SULT2A1: variants seen among roughly 807,000 people sequenced by gnomAD.
The protein encoded by SULT2A1 is sulfotransferase 2A1.
A neutral mutation model predicts 33.9 loss-of-function variants in SULT2A1; 43 were observed. The ratio of observed to expected loss-of-function variants is 1.27; its 90% CI spans 1.00 to 1.64. The LOEUF is 1.64. Among genes scored for constraint, SULT2A1 ranks in the 40% most tolerant of loss-of-function variants. The pLI, the probability that SULT2A1 is intolerant of heterozygous loss-of-function variation, is 0.00. For missense variants in SULT2A1, 300 were observed against 335.1 expected, an observed-to-expected ratio of 0.90 and a Z score of 0.82; for synonymous variants, 125 against 113.6, an observed-to-expected ratio of 1.10 and a Z score of -0.64.
At chr19:47,886,050 A>T in intron 1 of SULT2A1, 72 bp downstream of exon 1, 30 of 1,547,906 alleles carry the variant, frequency 1.9e-5, no homozygotes, top group Non-Finnish European at 2.6e-5. Flanking sequence ...ATAAAGGAAG[A>T]ACTCCAATCA....
rs753978526 is a variant in SULT2A1 at position 47,874,664 on chromosome 19, C to A, written c.738G>T (p.Leu246=). 6.2e-7 allele frequency: 1 copy of A among 1,609,508 alleles called. No individual in the cohort carries two copies. Among genetic ancestry groups the A allele is most frequent in the African/African-American group, 1.3e-5 (1 of 74,588 alleles). Residue 246 remains leucine (L), a synonymous_variant, in exon 5 of 6, where the codon CTG becomes CTT. Coordinates refer to ENST00000222002, the MANE Select transcript of SULT2A1 (RefSeq NM_003167.4). ...VDYVVDKAQL[L]RKGVSGDWKN... is the part of the protein sequence containing the mutation. ...CAGAGGATTTTCTTTTACCTTTTCTCAGAAGTTGTGCTTTGTCCACTACAT... is the reference window on the plus strand; with the variant it reads ...CAGAGGATTTTCTTTTACCTTTTCTAAGAAGTTGTGCTTTGTCCACTACAT...
At chr19:47,873,779 A>G (rs1278906396) in intron 5 of SULT2A1, among the ~76,000 whole-genome samples, 2 of 151,552 alleles carry the variant, frequency 1.3e-5, no homozygotes, top group Non-Finnish European at 2.9e-5. Context: ...ACCCGCCACC[A>G]TGCCCGGCTA....
intron 1 of SULT2A1, among the ~76,000 whole-genome samples, chr19:47,885,234 C>T (rs780993752): frequency 9.9e-5 from 15 of 152,166 alleles, no homozygotes; most frequent in Non-Finnish European, 2.9e-5. Flanking sequence ...GAGCCAGCAC[C>T]GACTCCCCAT....
At chr19:47,875,660 A>G (rs1968537179) in intron 4 of SULT2A1, among the ~76,000 whole-genome samples, 1 of 152,136 alleles carries the variant, frequency 6.6e-6, no homozygotes, top group Admixed American at 6.6e-5. Context: ...AAGCAAAACA[A>G]AACAAAACAA....
chr19:47,884,162 A>ACTAT (rs1555805010), intron 1 of SULT2A1, among the ~76,000 whole-genome samples: 3 of 144,632 alleles, frequency 2.1e-5, no homozygotes, highest in Non-Finnish European at 4.5e-5. Flanking sequence ...TAATTTTTTT[A>ACTAT]TTATTTATTT....
chr19:47,879,139 G>A lies in SULT2A1; in HGVS notation c.473-9C>T, dbSNP rs758144561. On this transcript the variant is annotated splice_polypyrimidine_tract_variant and intron_variant, in intron 3 of 5. Coordinates refer to ENST00000222002, the MANE Select transcript of SULT2A1 (RefSeq NM_003167.4). ...CCATGACCCATATAGCACTGCATGG[G>A]GTGGCAGAAAAAGTGATAGGTTACA... 6.3e-7 allele frequency: 1 copy of A among 1,587,758 alleles called. No individual in the cohort carries two copies. Among genetic ancestry groups the A allele is most frequent in the East Asian group, 2.2e-5 (1 of 44,740 alleles).
At chr19:47,873,535 G>A (rs150191222) in intron 5 of SULT2A1, among the ~76,000 whole-genome samples, 106 of 151,444 alleles carry the variant, frequency 7.0e-4, no homozygotes, top group African/African-American at 2.1e-3. Flanking sequence ...ACCTTACAGC[G>A]TGTGATAGCA....
chr19:47,872,731 A>G (rs749832295), intron 5 of SULT2A1, among the ~76,000 whole-genome samples: 6 of 151,112 alleles, frequency 4.0e-5, no homozygotes, highest in Non-Finnish European at 8.8e-5. Flanking sequence ...TCCCTAATAT[A>G]GATAAGTTAT....
chr19:47,885,261 C>A (rs1968645123), intron 1 of SULT2A1, among the ~76,000 whole-genome samples: 1 of 152,228 alleles, frequency 6.6e-6, no homozygotes, highest in African/African-American at 2.4e-5. Context: ...TTCTCTTCAG[C>A]CCCTGGCAGC....
intron 3 of SULT2A1, among the ~76,000 whole-genome samples, chr19:47,881,808 A>G (rs1968606877): frequency 6.6e-6 from 1 of 152,112 alleles, no homozygotes; most frequent in South Asian, 2.1e-4. Flanking sequence ...GACATCTAGC[A>G]TTAGGAGACT....
chr19:47,879,531 T>TGCCAGCCA, intron 3 of SULT2A1, among the ~76,000 whole-genome samples: 1 of 152,040 alleles, frequency 6.6e-6, no homozygotes, highest in African/African-American at 2.4e-5. Context: ...GCAGGGGAAA[T>TGCCAGCCA]GCCAGCCACT....
intron 1 of SULT2A1, 85 bp from the exon 2 acceptor site, chr19:47,883,870 A>T (rs1408714719): frequency 1.9e-6 from 2 of 1,079,140 alleles, no homozygotes; most frequent in Admixed American, 4.4e-5. Flanking sequence ...GCACTTTGGG[A>T]GGCTGAGGCA....
intron 4 of SULT2A1, among the ~76,000 whole-genome samples, chr19:47,875,841 A>G (rs8113396): frequency 0.029 from 4,441 of 152,186 alleles, 218 homozygotes; most frequent in African/African-American, 0.1. Flanking sequence ...GGAGAATCTG[A>G]TGGAGATTGA....
chr19:47,881,770 C>G (rs563925934), intron 3 of SULT2A1, among the ~76,000 whole-genome samples: 2 of 152,092 alleles, frequency 1.3e-5, no homozygotes, highest in South Asian at 2.1e-4. Flanking sequence ...TTGTGTTGTC[C>G]CGGAAGCCAG....
chr19:47,883,718 A>G lies in SULT2A1; in HGVS notation c.204T>C (p.Ser68=). The change falls in exon 2 of 6, where the codon TCT becomes TCC. Residue 68 remains serine (S), a synonymous_variant. Transcript: ENST00000222002. The part of the protein sequence containing the change: ...HSKGDAKWIQ[S]VPIWERSPWV... ...AGGGTGATCGCTCCCAGATGGGCAC[A>G]GATTGGATCCACTTGGCATCCCCCT... The G allele has an allele frequency of 6.2e-7, 1 of 1,614,140 alleles. No homozygotes were observed. Among genetic ancestry groups the G allele is most frequent in the South Asian group, 1.1e-5 (1 of 91,084 alleles).
Position 47,886,261 on chromosome 19 carries a change from G to C in SULT2A1, c.-4C>G. Reference sequence around the variant, plus strand: ...ACCATAAGAAATCGTCCGACATGATGATGACCTCTTCCTGCGTGGTGTGAG... The same window carrying C: ...ACCATAAGAAATCGTCCGACATGATCATGACCTCTTCCTGCGTGGTGTGAG... On this transcript the variant is annotated 5_prime_UTR_variant, in exon 1 of 6. It adds an upstream start codon to the 5' untranslated region. Coordinates refer to ENST00000222002, the MANE Select transcript of SULT2A1 (RefSeq NM_003167.4). 6.2e-7 allele frequency: 1 copy of C among 1,613,886 alleles called. No homozygotes were observed. The highest frequency in any genetic ancestry group is 8.5e-7 in the Non-Finnish European group (1 of 1,179,910).
intron 5 of SULT2A1, among the ~76,000 whole-genome samples, chr19:47,873,107 A>G (rs1220193740): frequency 6.6e-6 from 1 of 151,868 alleles, no homozygotes; most frequent in East Asian, 1.9e-4. Context: ...CTTTTGAAGG[A>G]TTTAATTCTT....
At chr19:47,882,024 G>T in intron 3 of SULT2A1, 60 bp downstream of exon 3, 1 of 1,596,274 alleles carries the variant, frequency 6.3e-7, no homozygotes, top group East Asian at 2.2e-5. Context: ...TGTGAGGCTG[G>T]GTGTCAAAAG....
At chr19:47,882,878 T>C (rs895261058) in intron 2 of SULT2A1, among the ~76,000 whole-genome samples, 2 of 152,038 alleles carry the variant, frequency 1.3e-5, no homozygotes, top group African/African-American at 2.4e-5. Flanking sequence ...ATCGCACCAA[T>C]GCACTCCAGC....
Sources: gnomAD v4.1 joint callset for allele counts (sites outside exome capture counted in the v4.1 genomes callset) on GRCh38, gnomAD v4.1.1 for gene constraint, MANE v1.5 for transcripts, NCBI Gene and HGNC (gene_info 2026-07-23, HGNC 2026-07-21) for gene names.